MASP1: variants seen among roughly 807,000 people sequenced by gnomAD.
The protein encoded by MASP1 is mannan-binding lectin serine protease 1.
Under a neutral mutation model 77.1 loss-of-function variants are expected in MASP1, and 59 were observed. The observed-to-expected ratio is 0.77, with a 90% confidence interval of 0.62 to 0.95. MASP1 has a LOEUF of 0.95. MASP1 is among the 40% of genes least tolerant of loss of function. The pLI, the probability that MASP1 is intolerant of heterozygous loss-of-function variation, is 0.00. For missense variants in MASP1, 885 were observed against 912.9 expected (o/e 0.97, Z 0.39); for synonymous variants, 362 against 354.5 (o/e 1.02, Z -0.24).
downstream of MASP1, among the ~76,000 whole-genome samples, chr3:187,232,120 T>C (rs1712800455): frequency 6.6e-6 from 1 of 152,176 alleles, no homozygotes. Flanking sequence ...CTGGAGTCCT[T>C]TATTGGGACT....
rs144990402 is a variant in MASP1 at position 187,250,339 on chromosome 3, G to T, written c.1012-10C>A. On this transcript the variant is annotated splice_polypyrimidine_tract_variant and intron_variant, in intron 7 of 10. Coordinates refer to ENST00000296280, the MANE Select transcript of MASP1 (RefSeq NM_139125.4). ...CCATCTCCACATTATCCTGGGAAGA[G>T]ACAGGAAGAAGGGAGTGGGAAGAAG... is the stretch of plus-strand genomic sequence containing the variant. The T allele has an allele frequency of 9.3e-6, 15 of 1,606,218 alleles. No homozygotes were observed. The African/African-American group carries it at 1.7e-4, about 19-fold the overall frequency.
intron 2 of MASP1, among the ~76,000 whole-genome samples, chr3:187,283,997 C>G (rs1717636846): frequency 6.6e-6 from 1 of 152,174 alleles, no homozygotes; most frequent in South Asian, 2.1e-4. Flanking sequence ...ATGATACATA[C>G]TCATGGCCTC....
chr3:187,275,978 C>CA (rs1560031657), intron 2 of MASP1, among the ~76,000 whole-genome samples: 1 of 152,002 alleles, frequency 6.6e-6, no homozygotes, highest in African/African-American at 2.4e-5. Context: ...TCCCGCCCCC[C>CA]ATCTGTACCT....
intron 4 of MASP1, among the ~76,000 whole-genome samples, chr3:187,259,314 A>G (rs1424511170): frequency 1.3e-5 from 2 of 152,176 alleles, no homozygotes; most frequent in African/African-American, 4.8e-5. Context: ...TGAAGATGGA[A>G]GTCTCCTGAG....
chr3:187,236,240 T>C lies in MASP1; in HGVS notation c.1631A>G (p.Asp544Gly), dbSNP rs139287271. The C allele has an allele frequency of 1.2e-6, 2 of 1,614,226 alleles. No homozygotes were observed. Among genetic ancestry groups the C allele is most frequent in the South Asian group, 1.1e-5 (1 of 91,086 alleles). Residue 544 changes from aspartate to glycine, a missense_variant, in exon 11 of 11, where the codon GAC becomes GGC. Asp to Gly is a moderately conservative substitution (Grantham distance 94). Coordinates refer to ENST00000296280, the MANE Select transcript of MASP1 (RefSeq NM_139125.4). ...GTGGTTGTAGTTTTGGATGTTGAAGTCTGGGTGGAGCACCACTCGGGCAGC... is the reference window on the plus strand; with the variant it reads ...GTGGTTGTAGTTTTGGATGTTGAAGCCTGGGTGGAGCACCACTCGGGCAGC... ...SSAARVVLHP[D>G]FNIQNYNHDI...
At position 187,261,648 on chromosome 3, in the gene MASP1, T is replaced by A. The variant is rs189187693; in HGVS notation, c.416-776A>T. ...CAGATAAAAAATGTTACATTTGCTTTGGAAAAGGTCTGGCAATGTCTCATA... is the reference window on the plus strand; with the variant it reads ...CAGATAAAAAATGTTACATTTGCTTAGGAAAAGGTCTGGCAATGTCTCATA... On this transcript the variant is annotated intron_variant, in intron 3 of 10. Transcript: ENST00000296280. 1.4e-4 allele frequency among the ~76,000 whole-genome samples: 21 copies of A among 152,366 alleles called. No individual in the cohort carries two copies. The East Asian group carries it at 4.0e-3, about 29-fold the overall frequency.
chr3:187,236,064 C>T lies in MASP1; in HGVS notation c.1807G>A (p.Asp603Asn). 2 of 1,614,112 alleles carry T rather than the reference C, an allele frequency of 1.2e-6. No homozygotes were observed. The highest frequency in any genetic ancestry group is 1.7e-6 in the Non-Finnish European group (2 of 1,180,042). The change falls in exon 11 of 11, where the codon GAT becomes AAT. Residue 603 changes from aspartate (D) to asparagine (N), a missense_variant. By Grantham distance (23) the Asp-to-Asn change is conservative. Coordinates refer to ENST00000296280, the MANE Select transcript of MASP1 (RefSeq NM_139125.4). ...WGISNPNVTV[D>N]EIISSGTRTL... ...CGTGTGCCACTGCTGATGATCTCAT[C>T]CACTGTCACATTGGGATTGGAGATG...
intron 2 of MASP1, among the ~76,000 whole-genome samples, chr3:187,276,186 T>C (rs1716957456): frequency 6.6e-6 from 1 of 151,672 alleles, no homozygotes; most frequent in South Asian, 2.1e-4. Context: ...ACTCTCTCAA[T>C]GAGCACCATA....
At chr3:187,244,931 C>CT (rs1047727194) in intron 8 of MASP1, 1 of 152,218 alleles carries the variant, frequency 6.6e-6, no homozygotes, top group African/African-American at 2.4e-5. Context: ...CCAAATTCAT[C>CT]TTTTTGATTA....
chr3:187,270,103 T>G (rs1716393993), intron 2 of MASP1, among the ~76,000 whole-genome samples: 1 of 152,258 alleles, frequency 6.6e-6, no homozygotes, highest in Non-Finnish European at 1.5e-5. Flanking sequence ...CAATGTAACT[T>G]CACTGCTCAT....
At chr3:187,251,442 C>A in intron 7 of MASP1, 192 bp downstream of exon 7, 2 of 582,976 alleles carry the variant, frequency 3.4e-6, no homozygotes, top group Non-Finnish European at 6.1e-6. Flanking sequence ...ACTTTTGTGC[C>A]ACTTTCAGAG....
chr3:187,268,326 A>T (rs1461197930), intron 2 of MASP1, among the ~76,000 whole-genome samples: 1 of 152,054 alleles, frequency 6.6e-6, no homozygotes, highest in Admixed American at 6.5e-5. Flanking sequence ...TACAAAAAAT[A>T]CAAAAATTAG....
chr3:187,249,990 C>A (rs1409072590), intron 8 of MASP1, among the ~76,000 whole-genome samples: 5 of 152,206 alleles, frequency 3.3e-5, no homozygotes, highest in Admixed American at 2.0e-4. Flanking sequence ...GTAAGTCTGG[C>A]AACCCATCCG....
intron 13 of MASP1, among the ~76,000 whole-genome samples, chr3:187,224,567 C>G (rs868654966): frequency 6.6e-6 from 1 of 151,774 alleles, no homozygotes; most frequent in African/African-American, 2.4e-5. Context: ...GGGATGGTCT[C>G]GATCTCCTGA....
chr3:187,275,971 C>T (rs1043573494), intron 2 of MASP1, among the ~76,000 whole-genome samples: 7 of 152,156 alleles, frequency 4.6e-5, no homozygotes, highest in Middle Eastern at 6.8e-3. Flanking sequence ...TCTCCCATCC[C>T]GCCCCCCATC....
intron 6 of MASP1, 39 bp from the exon 7 acceptor site, chr3:187,251,791 G>C (rs766652792): frequency 5.3e-6 from 8 of 1,512,070 alleles, no homozygotes; most frequent in Non-Finnish European, 6.4e-6. Context: ...GGTGAGAAAA[G>C]AGAATTCTGA....
intron 1 of MASP1, among the ~76,000 whole-genome samples, chr3:187,290,608 G>A (rs1169827800): frequency 1.3e-5 from 2 of 152,116 alleles, no homozygotes; most frequent in African/African-American, 2.4e-5. Flanking sequence ...ACAGGTAATC[G>A]GAGTTCAAAG....
intron 2 of MASP1, among the ~76,000 whole-genome samples, chr3:187,282,919 G>T (rs181528910): frequency 6.6e-6 from 1 of 152,334 alleles, no homozygotes; most frequent in East Asian, 1.9e-4. Context: ...GGACTGTAGG[G>T]CACTTCAGGT....
chr3:187,228,133 G>T (rs9878529), intron 11 of MASP1, among the ~76,000 whole-genome samples: 3,712 of 152,022 alleles, frequency 0.024, 76 homozygotes, highest in Middle Eastern at 0.055. Flanking sequence ...CACAATACAT[G>T]GTGGACATTA....
Sources: gnomAD v4.1 joint callset for allele counts (sites outside exome capture counted in the v4.1 genomes callset) on GRCh38, gnomAD v4.1.1 for gene constraint, MANE v1.5 for transcripts, NCBI Gene and HGNC (gene_info 2026-07-23, HGNC 2026-07-21) for gene names.